Variants in ZNF234 observed in about 807,000 individuals in gnomAD.
ZNF234 encodes the protein zinc finger protein 234.
ZNF234 carries 4 observed loss-of-function variants against 10.3 expected under a neutral mutation model. The observed-to-expected ratio is 0.39, with a 90% confidence interval of 0.19 to 0.89. The LOEUF is 0.89. Among genes scored for constraint, ZNF234 ranks in the 40% least tolerant of loss-of-function variants. The pLI is 0.38. For missense variants in ZNF234, 711 were observed against 836.1 expected, an observed-to-expected ratio of 0.85 and a Z score of 1.85; for synonymous variants, 258 against 280.1, an observed-to-expected ratio of 0.92 and a Z score of 0.79.
chr19:44,145,389 A>C (rs1968565066), intron 3 of ZNF234, among the ~76,000 whole-genome samples: 1 of 152,176 alleles, frequency 6.6e-6, no homozygotes, highest in Non-Finnish European at 1.5e-5. Context: ...TGTTTTACAT[A>C]ACACTGCAAT....
At position 44,157,105 on chromosome 19, in the gene ZNF234, G is replaced by A; in HGVS notation, c.1089G>A (p.Arg363=). ...FIQPSQFQAH[R]RIHTGEKPYV... ...AGCCTTCACAATTTCAGGCCCATCG[G>A]AGAATCCACACTGGAGAGAAACCAT... Residue 363 remains arginine, a synonymous_variant, in exon 6 of 6, where the codon CGG becomes CGA. Coordinates refer to ENST00000426739, the MANE Select transcript of ZNF234 (RefSeq NM_006630.3). 6.2e-7 allele frequency: 1 copy of A among 1,614,134 alleles called. No homozygotes were observed. Among genetic ancestry groups the A allele is most frequent in the African/African-American group, 1.3e-5 (1 of 75,024 alleles).
chr19:44,151,114 G>A (rs2122126870), intron 5 of ZNF234, among the ~76,000 whole-genome samples: 1 of 152,042 alleles, frequency 6.6e-6, no homozygotes, highest in Non-Finnish European at 1.5e-5. Context: ...GTCCTGCGTG[G>A]TCTGCTGTTC....
chr19:44,151,260 T>A (rs1405968977), intron 5 of ZNF234, among the ~76,000 whole-genome samples: 1 of 152,036 alleles, frequency 6.6e-6, no homozygotes, highest in African/African-American at 2.4e-5. Context: ...TGGAGTATAG[T>A]GGTGCAATCT....
At chr19:44,153,346 C>A (rs187990685) in intron 5 of ZNF234, among the ~76,000 whole-genome samples, 1 of 151,624 alleles carries the variant, frequency 6.6e-6, no homozygotes, top group Non-Finnish European at 1.5e-5. Flanking sequence ...TAGCAAGAAA[C>A]GCATTTTTCA....
chr19:44,151,827 T>C (rs150193571), intron 5 of ZNF234, among the ~76,000 whole-genome samples: 4 of 152,228 alleles, frequency 2.6e-5, no homozygotes, highest in African/African-American at 4.8e-5. Context: ...AAGGACCCTC[T>C]AATTGCACTG....
In ZNF234 at chr19:44,159,597, TTACTC is replaced by T; in HGVS notation, c.*1481_*1485del. 2.1e-6 allele frequency: 1 copy of T among 473,528 alleles called. No homozygotes were observed. The highest frequency in any genetic ancestry group is 4.4e-6 in the Non-Finnish European group (1 of 229,372). The allele number at this position is 473,528 out of a possible 1,614,324, so 29.3% of individuals were successfully genotyped here. The stretch of plus-strand genomic sequence containing the variant: ...AATCCATTAATGTTAAGGCAGGGGT[TTACTC>T]TAACACTTTTAAAGTGTCAGAAGTA... On this transcript the variant is annotated 3_prime_UTR_variant, in exon 6 of 6. Transcript: ENST00000426739.
At chr19:44,145,560 T>C (rs1033004071) in intron 3 of ZNF234, among the ~76,000 whole-genome samples, 1 of 151,932 alleles carries the variant, frequency 6.6e-6, no homozygotes, top group African/African-American at 2.4e-5. Context: ...GCCCAGCTAA[T>C]TTTGTATTTT....
At chr19:44,154,696 A>G (rs1383324907) in intron 5 of ZNF234, among the ~76,000 whole-genome samples, 1 of 148,892 alleles carries the variant, frequency 6.7e-6, no homozygotes, top group Non-Finnish European at 1.5e-5. Context: ...GCAGTGATAA[A>G]ATCATGGTTC....
rs2293587 is a variant in ZNF234 at position 44,148,801 on chromosome 19, G to A, written c.46G>A (p.Val16Ile). Reference protein sequence around the residue: ...EGLTFKDVAVVFTEEELGLLD... With the variant: ...EGLTFKDVAVIFTEEELGLLD... ...ACTGACCTTCAAGGATGTGGCTGTG[G>A]TCTTCACTGAGGAGGAGCTGGGGCT... Residue 16 changes from valine (V) to isoleucine (I), a missense_variant, in exon 4 of 6, where the codon GTC becomes ATC. Coordinates refer to ENST00000426739, the MANE Select transcript of ZNF234 (RefSeq NM_006630.3). The A allele has an allele frequency of 0.35, 567,078 of 1,613,146 alleles. 100,621 individuals are homozygous for A. The highest frequency in any genetic ancestry group is 0.39 in the East Asian group (17,361 of 44,804).
intron 2 of ZNF234, 96 bp downstream of exon 2, chr19:44,142,463 T>C (rs552768493): frequency 1.1e-4 from 17 of 152,246 alleles, no homozygotes; most frequent in Non-Finnish European, 1.9e-4. Context: ...CCTTAATTGC[T>C]AACTTCAATT....
rs549529965 is a variant in ZNF234, at chr19:44,141,958, C to G, written c.-131+225C>G. ...GTGCAAGGTTGGCGTGTTAATCTCC[C>G]TGGGCCTCTCCTTGCTGTTCTTTAA... On this transcript the variant is annotated intron_variant, in intron 1 of 5. Transcript: ENST00000426739. This position sits in a 1 kb window ranked among gnomAD's most constrained non-coding sequence, Gnocchi z 4.6. The G allele has an allele frequency of 1.0e-4, 16 of 152,450 alleles. No homozygotes were observed. The East Asian group carries it at 3.1e-3, about 29-fold the overall frequency. The allele number at this position is 152,450 out of a possible 1,614,324, so 9.4% of individuals were successfully genotyped here.
intron 4 of ZNF234, chr19:44,149,894 C>G (rs370334824): frequency 3.9e-5 from 6 of 152,258 alleles, no homozygotes; most frequent in African/African-American, 1.2e-4. Context: ...GAGAAGAAAC[C>G]TTTTCCTGGG....
At chr19:44,146,527 G>T (rs1786679622) in intron 3 of ZNF234, among the ~76,000 whole-genome samples, 1 of 152,198 alleles carries the variant, frequency 6.6e-6, no homozygotes, top group African/African-American at 2.4e-5. Context: ...CCTGAAGCAT[G>T]GGGATCAGGG....
intron 2 of ZNF234, among the ~76,000 whole-genome samples, 180 bp from the exon 3 acceptor site, chr19:44,144,377 A>G (rs553490163): frequency 6.6e-6 from 1 of 152,250 alleles, no homozygotes; most frequent in Admixed American, 6.5e-5. Context: ...ATTCCATTGT[A>G]TGGATATGCC....
In ZNF234 at chr19:44,158,119, A is replaced by AT; in HGVS notation, c.*2dup. ...CAGAGGGAGGAAGTTCTACAAGGTGATTAAAAAAAAAAAAACAGAACTCAT... is the reference window on the plus strand; with the variant it reads ...CAGAGGGAGGAAGTTCTACAAGGTGATTTAAAAAAAAAAAAACAGAACTCAT... On this transcript the variant is annotated 3_prime_UTR_variant, in exon 6 of 6. Transcript: ENST00000426739. The AT allele has an allele frequency of 2.7e-6, 4 of 1,480,496 alleles. No individual in the cohort carries two copies. The highest frequency in any genetic ancestry group is 3.6e-6 in the Non-Finnish European group (4 of 1,120,946). The allele number at this position is 1,480,496 out of a possible 1,614,324, so 91.7% of individuals were successfully genotyped here. A position where few individuals can be genotyped will look rare whatever the true frequency, so the allele number is the denominator to read the frequency against.
intron 3 of ZNF234, among the ~76,000 whole-genome samples, chr19:44,147,385 C>T (rs995575365): frequency 4.0e-5 from 6 of 151,798 alleles, no homozygotes; most frequent in African/African-American, 1.2e-4. Context: ...CACAGGCACA[C>T]GCCACCACAT....
chr19:44,144,763 T>A, intron 3 of ZNF234, 116 bp downstream of exon 3: 3 of 898,398 alleles, frequency 3.3e-6, no homozygotes, highest in East Asian at 2.8e-5. Flanking sequence ...AGTGCATCCT[T>A]CTGCCTTTTG....
intron 4 of ZNF234, among the ~76,000 whole-genome samples, chr19:44,149,269 A>C (rs1031698699): frequency 6.6e-6 from 1 of 151,976 alleles, no homozygotes; most frequent in Non-Finnish European, 1.5e-5. Context: ...ATGAAACTCT[A>C]TCTCTACCAA....
chr19:44,143,386 G>A (rs1188971204), intron 2 of ZNF234, among the ~76,000 whole-genome samples: 1 of 152,054 alleles, frequency 6.6e-6, no homozygotes, highest in African/African-American at 2.4e-5. Flanking sequence ...GAGGCGGGCG[G>A]ATCACGAGGT....
Sources: allele counts gnomAD v4.1 joint callset (sites outside exome capture counted in the v4.1 genomes callset), GRCh38; gene constraint gnomAD v4.1.1; non-coding constraint Gnocchi (gnomAD v3.1); transcripts MANE v1.5; gene names NCBI Gene and HGNC (gene_info 2026-07-23, HGNC 2026-07-21).